NMUR1: variants seen among roughly 807,000 people sequenced by gnomAD.
NMUR1 encodes neuromedin U receptor 1, also known as neuromedin-U receptor 1.
A neutral mutation model predicts 18.8 loss-of-function variants in NMUR1; 16 were observed. That is an observed-to-expected ratio of 0.85 (90% CI 0.58 to 1.29). The LOEUF (loss-of-function observed/expected upper bound fraction) is 1.29. Among genes scored for constraint, NMUR1 ranks in the 50% most tolerant of loss-of-function variants. NMUR1 has a pLI of 0.00. For missense variants in NMUR1, 529 were observed against 580.3 expected, an observed-to-expected ratio of 0.91 and a Z score of 0.91; for synonymous variants, 258 against 258.2, an observed-to-expected ratio of 1.00 and a Z score of 0.01.
intron 2 of NMUR1, among the ~76,000 whole-genome samples, chr2:231,527,738 T>C (rs944105198): frequency 1.3e-5 from 2 of 151,684 alleles, no homozygotes; most frequent in Non-Finnish European, 2.9e-5. Context: ...TGCCCTGCCC[T>C]TTCTGTGTTT....
At chr2:231,527,281 A>G (rs2047365423) in intron 2 of NMUR1, among the ~76,000 whole-genome samples, 1 of 152,220 alleles carries the variant, frequency 6.6e-6, no homozygotes, top group South Asian at 2.1e-4. Context: ...TCCTCAGGAA[A>G]GAAGATGGCG....
rs757431516 is a variant in NMUR1 at position 231,528,174 on chromosome 2, A to G, written c.847T>C (p.Cys283Arg). The change falls in exon 2 of 3, where the codon TGC becomes CGC. Residue 283 changes from cysteine (C) to arginine (R), a missense_variant. Cys to Arg is a radical substitution (Grantham distance 180, BLOSUM62 -3). Coordinates refer to ENST00000305141, the MANE Select transcript of NMUR1 (RefSeq NM_006056.5). Reference sequence around the variant, plus strand: ...CCCCGATCGTGCTGCTGGAGCCTGCAGGTGTATCTGGACCTGGCTGCTGCA... The same window carrying G: ...CCCCGATCGTGCTGCTGGAGCCTGCGGGTGTATCTGGACCTGGCTGCTGCA... The part of the protein sequence containing the change: ...GSAAARSRYT[C>R]RLQQHDRGRR... 2 of 1,589,502 alleles carry G rather than the reference A, an allele frequency of 1.3e-6. No homozygotes were observed. The highest frequency in any genetic ancestry group is 1.1e-5 in the South Asian group (1 of 88,072).
chr2:231,528,508 G>A lies in NMUR1; in HGVS notation c.513C>T (p.Ser171=). Residue 171 remains serine, a synonymous_variant, in exon 2 of 3, where the codon TCC becomes TCT. Transcript: ENST00000305141. ...GGCGCACATGGGCCCGCGTCACCAT[G>A]GACCTGGCCTGGAGTGGGTGCACCA... ...VAVVHPLQAR[S]MVTRAHVRRV... The A allele has an allele frequency of 1.2e-6, 2 of 1,613,864 alleles. No individual in the cohort carries two copies. The highest frequency in any genetic ancestry group is 8.5e-7 in the Non-Finnish European group (1 of 1,180,046).
Position 231,530,434 on chromosome 2 carries a change from G to A in NMUR1, c.-73C>T. 7.0e-7 allele frequency: 1 copy of A among 1,419,910 alleles called. No individual in the cohort carries two copies. Among genetic ancestry groups the A allele is most frequent in the Non-Finnish European group, 9.2e-7 (1 of 1,092,510 alleles). 88.0% of individuals were successfully genotyped at this position (1,419,910 alleles called of 1,614,324 possible). A position where few individuals can be genotyped will look rare whatever the true frequency, so the allele number is the denominator to read the frequency against. ...ACACAGACGCGGCGCGGGAGCCAGT[G>A]GACTGACTGACAGCGGCCCCAGCCC... On this transcript the variant is annotated 5_prime_UTR_variant, in exon 1 of 3. Transcript: ENST00000305141.
chr2:231,527,446 C>G (rs1308231675), intron 2 of NMUR1, among the ~76,000 whole-genome samples: 2 of 152,060 alleles, frequency 1.3e-5, no homozygotes, highest in Non-Finnish European at 2.9e-5. Flanking sequence ...AGTTCAAGAT[C>G]CGCTCTGGCA....
At chr2:231,527,271 TC>T (rs1183711242) in intron 2 of NMUR1, among the ~76,000 whole-genome samples, 1 of 152,142 alleles carries the variant, frequency 6.6e-6, no homozygotes, top group Non-Finnish European at 1.5e-5. Context: ...AGACAGCAGT[TC>T]CTCAGGAAAG....
Position 231,528,522 on chromosome 2 carries a change from G to GT in NMUR1, c.498dup (p.Leu167ThrfsTer191). 1.9e-6 allele frequency: 3 copies of GT among 1,613,918 alleles called. No homozygotes were observed. The highest frequency in any genetic ancestry group is 3.3e-4 in the Middle Eastern group (2 of 6,062). On this transcript the variant is annotated frameshift_variant, in exon 2 of 3. Coordinates refer to ENST00000305141, the MANE Select transcript of NMUR1 (RefSeq NM_006056.5). LOFTEE classifies it high-confidence loss of function. ...CGCGTCACCATGGACCTGGCCTGGA[G>GT]TGGGTGCACCACGGCCACATAGCGT... is the stretch of plus-strand genomic sequence containing the variant.
rs1287024341 is a variant in NMUR1 at position 231,525,412 on chromosome 2, C to T, written c.912G>A (p.Val304=). Residue 304 remains valine (V), a synonymous_variant, in exon 3 of 3, where the codon GTG becomes GTA. Transcript: ENST00000305141. ...ACGGGGCCCAGCAGATGCCAAACAC[C>T]ACGACCAGGACAACTGCAGGGACAG... The part of the protein sequence containing the change: ...QVTKMLFVLV[V]VFGICWAPFH... The T allele has an allele frequency of 1.9e-6, 3 of 1,610,810 alleles. No individual in the cohort carries two copies. Among genetic ancestry groups the T allele is most frequent in the Non-Finnish European group, 1.7e-6 (2 of 1,178,068 alleles).
chr2:231,527,868 A>G (rs1444228295), intron 2 of NMUR1, among the ~76,000 whole-genome samples: 2 of 152,012 alleles, frequency 1.3e-5, no homozygotes, highest in Non-Finnish European at 2.9e-5. Context: ...TTCATGTTGC[A>G]CTGGACTCCA....
In NMUR1 at chr2:231,525,287, TAGA is replaced by T. The variant is rs762849995; in HGVS notation, c.1034_1036del (p.Phe345del). The T allele has an allele frequency of 8.9e-5, 143 of 1,614,030 alleles. No homozygotes were observed. In the African/African-American group the frequency reaches 1.4e-3, roughly 15 times the overall value. ...CACGGGGTTGGCCGCCGAGCCCAGG[TAGA>T]AGAAGATGCCGGAGATGACGTGCAC... is the stretch of plus-strand genomic sequence containing the variant. On this transcript the variant is annotated inframe_deletion, in exon 3 of 3. Transcript: ENST00000305141.
chr2:231,525,926 G>GCA (rs369635894), intron 2 of NMUR1, among the ~76,000 whole-genome samples: 1 of 150,928 alleles, frequency 6.6e-6, no homozygotes, highest in Non-Finnish European at 1.5e-5. Flanking sequence ...ACACACGCAT[G>GCA]CACACACACA....
intron 1 of NMUR1, 76 bp downstream of exon 1, chr2:231,530,283 C>T (rs2047401834): frequency 1.3e-6 from 2 of 1,484,890 alleles, no homozygotes; most frequent in Non-Finnish European, 1.8e-6. Context: ...CCCTTCCCGC[C>T]CTAGGACGAC....
intron 1 of NMUR1, among the ~76,000 whole-genome samples, chr2:231,530,147 G>C (rs1006611992): frequency 6.6e-5 from 10 of 152,140 alleles, no homozygotes; most frequent in Non-Finnish European, 1.2e-4. Context: ...GAGGCGCCCT[G>C]GTCCTCGAGG....
At chr2:231,530,239 C>G in intron 1 of NMUR1, 120 bp downstream of exon 1, 1 of 1,226,070 alleles carries the variant, frequency 8.2e-7, no homozygotes, top group Admixed American at 2.8e-5. Flanking sequence ...TCCCCGGTGG[C>G]GGGGACGGGG....
In NMUR1 at chr2:231,523,854, C is replaced by T. The variant is rs2047327097; in HGVS notation, c.*1189G>A. The stretch of plus-strand genomic sequence containing the variant: ...CTGCATTGAGTTCGGCAGAACCCTC[C>T]ACAGGGTCACTCCTTGCCCTTGGTT... On this transcript the variant is annotated 3_prime_UTR_variant, in exon 3 of 3. Transcript: ENST00000305141. 1 of 152,726 alleles carries T rather than the reference C, an allele frequency of 6.5e-6. No individual in the cohort carries two copies. The highest frequency in any genetic ancestry group is 1.5e-5 in the Non-Finnish European group (1 of 68,080). 9.5% of individuals were successfully genotyped at this position (152,726 alleles called of 1,614,324 possible). A position where few individuals can be genotyped will look rare whatever the true frequency, so the allele number is the denominator to read the frequency against.
At chr2:231,522,896 G>T (rs2047319351), downstream of NMUR1, among the ~76,000 whole-genome samples, 1 of 152,168 alleles carries the variant, frequency 6.6e-6, no homozygotes, top group South Asian at 2.1e-4. Flanking sequence ...GGACTGACAG[G>T]CAGGACGGCT....
downstream of NMUR1, among the ~76,000 whole-genome samples, chr2:231,522,244 C>T (rs904766101): frequency 6.6e-6 from 1 of 151,366 alleles, no homozygotes; most frequent in African/African-American, 2.4e-5. Context: ...CTTGGCTTCC[C>T]GAAGAGCTGG....
Position 231,528,988 on chromosome 2 carries a change from G to A in NMUR1, c.33C>T (p.Leu11=). Residue 11 remains leucine, a synonymous_variant, in exon 2 of 3, where the codon CTC becomes CTT. Transcript: ENST00000305141. The stretch of plus-strand genomic sequence containing the variant: ...CACCCCCTGGGTACAGGTCTCCAGG[G>A]AGGACAGAGCAATTGAGGCAGAGAG... MTPLCLNCSV[L]PGDLYPGGAR... The A allele has an allele frequency of 6.2e-7, 1 of 1,612,304 alleles. No individual in the cohort carries two copies. Among genetic ancestry groups the A allele is most frequent in the Non-Finnish European group, 8.5e-7 (1 of 1,178,898 alleles).
chr2:231,528,130 C>T lies in NMUR1; in HGVS notation c.891G>A (p.Lys297=), dbSNP rs761229151. Residue 297 remains lysine (K), a synonymous_variant, in exon 2 of 3, where the codon AAG becomes AAA. Transcript: ENST00000305141. ...QHDRGRRQVT[K]MLFVLVVVFG... ...CCCAGCCGTGACACTTACACAGCAT[C>T]TTGGTCACTTGTCTCCGGCCCCGAT... 6.5e-7 allele frequency: 1 copy of T among 1,547,770 alleles called. No homozygotes were observed. The highest frequency in any genetic ancestry group is 2.3e-5 in the East Asian group (1 of 44,256).
Sources: gnomAD v4.1 joint callset for allele counts (sites outside exome capture counted in the v4.1 genomes callset) on GRCh38, gnomAD v4.1.1 for gene constraint, MANE v1.5 for transcripts, NCBI Gene and HGNC (gene_info 2026-07-23, HGNC 2026-07-21) for gene names.